CENPP: variants seen among roughly 807,000 people sequenced by gnomAD.
CENPP encodes centromere protein P.
CENPP carries 24 observed loss-of-function variants against 35.6 expected under a neutral mutation model. That is an observed-to-expected ratio of 0.67 (90% CI 0.49 to 0.95). The LOEUF is 0.95. Ranked by LOEUF, CENPP falls within the 40% of genes least tolerant of loss-of-function variation. CENPP has a pLI of 0.00. For missense variants in CENPP, 332 were observed against 345.3 expected (o/e 0.96, Z 0.31); for synonymous variants, 120 against 125.5 (o/e 0.96, Z 0.29).
intron 5 of CENPP, chr9:92,389,810 TATC>T (rs1453201155): frequency 1.5e-6 from 2 of 1,301,372 alleles, no homozygotes; most frequent in Admixed American, 1.9e-5. Context: ...TTATCTATCA[TATC>T]ATCACTCATA....
rs757105338 is a variant in CENPP, at chr9:92,613,138, G to T, written c.856G>T (p.Glu286Ter). The change falls in exon 8 of 8, where the codon GAG becomes TAG. Residue 286 changes from glutamate (E) to a stop codon, truncating the protein, a stop_gained. Coordinates refer to ENST00000375587, the MANE Select transcript of CENPP (RefSeq NM_001012267.3). LOFTEE classifies it high-confidence loss of function. ...ESLIKSLCAEENN is the reference protein window; with the variant it reads ...ESLIKSLCAE ...CCTGATAAAATCGCTTTGTGCAGAG[G>T]AGAACAACTAGTTCCAAAACAGTGA... 1.7e-5 allele frequency: 28 copies of T among 1,614,200 alleles called. No homozygotes were observed. The highest frequency in any genetic ancestry group is 2.3e-5 in the Non-Finnish European group (27 of 1,180,030).
intron 5 of CENPP, chr9:92,509,954 T>G: frequency 6.2e-7 from 1 of 1,611,170 alleles, no homozygotes; most frequent in Non-Finnish European, 8.5e-7. Flanking sequence ...CTTTAAGTTC[T>G]TCTAATGTAG....
At chr9:92,574,390 G>A (rs939264093) in intron 5 of CENPP, among the ~76,000 whole-genome samples, 1 of 151,972 alleles carries the variant, frequency 6.6e-6, no homozygotes, top group Non-Finnish European at 1.5e-5. Context: ...ACTAAAATTG[G>A]TTAGAAAAAC....
intron 5 of CENPP, among the ~76,000 whole-genome samples, chr9:92,433,113 A>T (rs1021849732): frequency 2.6e-5 from 4 of 152,216 alleles, no homozygotes; most frequent in African/African-American, 9.7e-5. Flanking sequence ...ATAATTTATA[A>T]TGAACAGGAA....
intron 6 of CENPP, among the ~76,000 whole-genome samples, 182 bp downstream of exon 6, chr9:92,611,575 T>C (rs1442745462): frequency 3.3e-5 from 5 of 152,154 alleles, no homozygotes; most frequent in Non-Finnish European, 7.4e-5. Context: ...GCTGGAGCTC[T>C]GGAGGATGTG....
intron 5 of CENPP, chr9:92,515,280 G>T: frequency 7.3e-7 from 1 of 1,377,722 alleles, no homozygotes; most frequent in Non-Finnish European, 9.4e-7. Context: ...ATGAAAATGA[G>T]GTTAGTAAAT....
rs567277913 is a variant in CENPP at position 92,332,916 on chromosome 9, GAC to G, written c.289+569_289+570del. On this transcript the variant is annotated intron_variant, in intron 2 of 7. Coordinates refer to ENST00000375587, the MANE Select transcript of CENPP (RefSeq NM_001012267.3). ...TTCTCCTTCCTGATGGAAAAGAACAGACACAGTTTTTATCATTAAGTACCTTA... is the reference window on the plus strand; with the variant it reads ...TTCTCCTTCCTGATGGAAAAGAACAGACAGTTTTTATCATTAAGTACCTTA... Among the ~76,000 whole-genome samples the G allele has an allele frequency of 4.9e-4, 74 of 150,716 alleles. No homozygotes were observed. In the South Asian group the frequency reaches 0.015, roughly 30 times the overall value.
chr9:92,572,560 A>G (rs1001105449), intron 5 of CENPP, among the ~76,000 whole-genome samples: 3 of 152,024 alleles, frequency 2.0e-5, no homozygotes, highest in Non-Finnish European at 4.4e-5. Context: ...TCTGACAATT[A>G]TGTGTCTTGG....
intron 4 of CENPP, among the ~76,000 whole-genome samples, chr9:92,369,371 C>T (rs1264414086): frequency 6.6e-6 from 1 of 152,134 alleles, no homozygotes; most frequent in East Asian, 1.9e-4. Context: ...CTAGTTAACT[C>T]TCTTGTATCT....
intron 5 of CENPP, chr9:92,470,824 G>T: frequency 8.8e-7 from 1 of 1,142,264 alleles, no homozygotes; most frequent in Non-Finnish European, 1.3e-6. Context: ...GAATCATGCT[G>T]AAGATGAGAT....
chr9:92,404,689 T>G, intron 5 of CENPP: 2 of 1,240,368 alleles, frequency 1.6e-6, no homozygotes, highest in Non-Finnish European at 2.1e-6. Context: ...TTCTCTAGGG[T>G]GAAATGCAGT....
chr9:92,350,160 C>T (rs932439560), intron 4 of CENPP, among the ~76,000 whole-genome samples: 8 of 152,088 alleles, frequency 5.3e-5, no homozygotes, highest in Admixed American at 1.3e-4. Flanking sequence ...TCTTTGTGTT[C>T]GCTTTATACT....
chr9:92,600,452 G>A (rs764190043), intron 5 of CENPP: 7 of 1,612,864 alleles, frequency 4.3e-6, no homozygotes, highest in Middle Eastern at 3.3e-4. Context: ...AGAAAAGTTG[G>A]GTCAAGGGAG....
chr9:92,479,061 C>T (rs1428783884), intron 5 of CENPP, among the ~76,000 whole-genome samples: 1 of 152,126 alleles, frequency 6.6e-6, no homozygotes, highest in Non-Finnish European at 1.5e-5. Flanking sequence ...GAGGCTTCCC[C>T]AGTACTGAGC....
chr9:92,564,927 C>T (rs967444616), intron 5 of CENPP, among the ~76,000 whole-genome samples: 7 of 151,956 alleles, frequency 4.6e-5, no homozygotes, highest in Non-Finnish European at 7.4e-5. Flanking sequence ...ATCTGCCCTA[C>T]GAAAATGTTT....
intron 5 of CENPP, among the ~76,000 whole-genome samples, chr9:92,564,208 G>A (rs902918024): frequency 6.6e-6 from 1 of 152,002 alleles, no homozygotes; most frequent in South Asian, 2.1e-4. Context: ...CCAACATGGA[G>A]ATACCCCATC....
intron 5 of CENPP, among the ~76,000 whole-genome samples, chr9:92,581,295 C>T (rs2131366833): frequency 6.6e-6 from 1 of 152,128 alleles, no homozygotes; most frequent in South Asian, 2.1e-4. Context: ...AGCCATATTA[C>T]ATTTTGTGTT....
intron 5 of CENPP, among the ~76,000 whole-genome samples, chr9:92,547,207 A>G (rs568512473): frequency 5.1e-4 from 77 of 152,316 alleles, no homozygotes; most frequent in Non-Finnish European, 9.4e-4. Context: ...AAAAAGAATA[A>G]AGAAAGCAAA....
At chr9:92,530,902 A>G (rs892671693) in intron 5 of CENPP, among the ~76,000 whole-genome samples, 3 of 151,962 alleles carry the variant, frequency 2.0e-5, no homozygotes, top group Non-Finnish European at 2.9e-5. Flanking sequence ...TGAGTACCCA[A>G]TGTTTAGCTC....
Sources: allele counts gnomAD v4.1 joint callset (sites outside exome capture counted in the v4.1 genomes callset), GRCh38; gene constraint gnomAD v4.1.1; transcripts MANE v1.5; gene names NCBI Gene and HGNC (gene_info 2026-07-23, HGNC 2026-07-21).